Variants in CLNK observed in about 807,000 individuals in gnomAD.
The protein encoded by CLNK is cytokine-dependent hematopoietic cell linker.
Under a neutral mutation model 68.6 loss-of-function variants are expected in CLNK, and 74 were observed. That is an observed-to-expected ratio of 1.08 (90% CI 0.89 to 1.31). CLNK has a LOEUF of 1.31. Ranked by LOEUF, CLNK falls within the 50% of genes most tolerant of loss-of-function variation. The pLI is 0.00. For synonymous variants in CLNK, 198 were observed against 172.2 expected (o/e 1.15, Z -1.17); for missense variants, 553 against 515.3 (o/e 1.07, Z -0.71).
chr4:10,523,088 C>A (rs1340701875), intron 14 of CLNK, among the ~76,000 whole-genome samples: 1 of 152,082 alleles, frequency 6.6e-6, no homozygotes, highest in Non-Finnish European at 1.5e-5. Flanking sequence ...CTGGGCCATG[C>A]AAGGAGCTAG....
intron 1 of CLNK, among the ~76,000 whole-genome samples, chr4:10,682,133 A>ATGTGTG (rs67960184): frequency 0.045 from 5,842 of 128,446 alleles, 158 homozygotes; most frequent in Middle Eastern, 0.1. Context: ...GTGTGTGTGT[A>ATGTGTG]TGTGTGTGTG....
intron 2 of CLNK, among the ~76,000 whole-genome samples, chr4:10,631,789 T>C (rs1722900169): frequency 6.6e-6 from 1 of 152,268 alleles, no homozygotes; most frequent in African/African-American, 2.4e-5. Context: ...AGCAACTCTA[T>C]GACATAGAAG....
the CLNK span, among the ~76,000 whole-genome samples, chr4:10,695,898 C>T: frequency 6.6e-6 from 1 of 151,754 alleles, no homozygotes; most frequent in African/African-American, 2.4e-5. Flanking sequence ...CTCTGTTGCC[C>T]AGGCTGGAGT....
At position 10,663,727 on chromosome 4, in the gene CLNK, T is replaced by A. The variant is rs1724283470; in HGVS notation, c.11+4132A>T. 2.6e-5 allele frequency among the ~76,000 whole-genome samples: 4 copies of A among 152,244 alleles called. No homozygotes were observed. In the South Asian group the frequency reaches 8.3e-4, roughly 31 times the overall value. On this transcript the variant is annotated intron_variant, in intron 2 of 18. Coordinates refer to ENST00000226951, the MANE Select transcript of CLNK (RefSeq NM_052964.4). Reference sequence around the variant, plus strand: ...AAAAGTGCTTAGTGAGAGATAGTCCTATGATTTAAATGTTTGTGAACCCCT... The same window carrying A: ...AAAAGTGCTTAGTGAGAGATAGTCCAATGATTTAAATGTTTGTGAACCCCT...
intron 5 of CLNK, among the ~76,000 whole-genome samples, chr4:10,566,454 G>A (rs1461839921): frequency 6.6e-6 from 1 of 152,156 alleles, no homozygotes. Flanking sequence ...GATTGTCCTG[G>A]ATTACCTGGG....
At chr4:10,666,854 C>G (rs1051063012) in intron 2 of CLNK, among the ~76,000 whole-genome samples, 6 of 152,196 alleles carry the variant, frequency 3.9e-5, no homozygotes, top group African/African-American at 1.4e-4. Flanking sequence ...GGTGGCTCCA[C>G]CTGGACACCT....
the CLNK span, among the ~76,000 whole-genome samples, chr4:10,701,503 G>A: frequency 6.6e-6 from 1 of 152,182 alleles, no homozygotes; most frequent in Admixed American, 6.6e-5. Context: ...CCTTTCTCAA[G>A]GAGCCTGTTG....
upstream of CLNK, among the ~76,000 whole-genome samples, chr4:10,688,634 AGAGGTATACTACT>A (rs1311055932): frequency 1.3e-5 from 2 of 152,174 alleles, no homozygotes; most frequent in Admixed American, 1.3e-4. Context: ...CCCTTTAAAA[AGAGGTATACTACT>A]ACTAACCTCT....
At chr4:10,715,249 GAGTCA>G in the CLNK span, among the ~76,000 whole-genome samples, 1 of 152,122 alleles carries the variant, frequency 6.6e-6, no homozygotes, top group African/African-American at 2.4e-5. Flanking sequence ...ACTGACTTGG[GAGTCA>G]ACTGCCCAAC....
intron 2 of CLNK, among the ~76,000 whole-genome samples, chr4:10,632,889 T>G (rs973277436): frequency 6.6e-6 from 1 of 152,258 alleles, no homozygotes; most frequent in African/African-American, 2.4e-5. Flanking sequence ...CAGATGAGGC[T>G]GCTAGCTAAC....
chr4:10,537,684 TTC>T (rs1560206913), intron 11 of CLNK, among the ~76,000 whole-genome samples: 13 of 59,004 alleles, frequency 2.2e-4, no homozygotes, highest in Admixed American at 3.7e-4. Context: ...TCTTTCTTCC[TTC>T]CTTCCTTCCT....
rs147325980 is a variant in CLNK, at chr4:10,616,784, GTGTGTGTATATATA to G, written c.12-18749_12-18736del. On this transcript the variant is annotated intron_variant, in intron 2 of 18. Coordinates refer to ENST00000226951, the MANE Select transcript of CLNK (RefSeq NM_052964.4). Reference sequence around the variant, plus strand: ...TAAAGTTGTGTGTGTATATATGTGTGTGTGTGTATATATATATATATATATATATATATATATAT... The same window carrying G: ...TAAAGTTGTGTGTGTATATATGTGTGTATATATATATATATATATATATAT... Among the ~76,000 whole-genome samples, 90 of 11,204 alleles carry G rather than the reference GTGTGTGTATATATA, an allele frequency of 8.0e-3. 1 individual carries two copies. The highest frequency in any genetic ancestry group is 0.026 in the East Asian group (7 of 270). The allele number at this position is 11,204 out of a possible 152,430, so 7.4% of individuals were successfully genotyped here.
rs1031323653 is a variant in CLNK, at chr4:10,566,247, A to T, written c.151-97T>A. ...CTAGAGAAATGGGGTAGACCTTCTTAGCTGCAAGTTAAATATTTAAGAATC... is the reference window on the plus strand; with the variant it reads ...CTAGAGAAATGGGGTAGACCTTCTTTGCTGCAAGTTAAATATTTAAGAATC... On this transcript the variant is annotated intron_variant, in intron 5 of 18. Transcript: ENST00000226951. 3 of 1,149,404 alleles carry T rather than the reference A, an allele frequency of 2.6e-6. No homozygotes were observed. In the East Asian group the frequency reaches 7.1e-5, roughly 27 times the overall value. The allele number at this position is 1,149,404 out of a possible 1,614,324, so 71.2% of individuals were successfully genotyped here. A position where few individuals can be genotyped will look rare whatever the true frequency, so the allele number is the denominator to read the frequency against.
At chr4:10,687,257 T>C (rs892744589), upstream of CLNK, among the ~76,000 whole-genome samples, 1 of 148,268 alleles carries the variant, frequency 6.7e-6, no homozygotes, top group African/African-American at 2.5e-5. Flanking sequence ...TCTAATATAA[T>C]AGAGAGGTAT....
chr4:10,708,644 T>C, the CLNK span, among the ~76,000 whole-genome samples: 69 of 152,320 alleles, frequency 4.5e-4, no homozygotes, highest in African/African-American at 1.6e-3. Flanking sequence ...TTTTATCCTA[T>C]AGACCATTGA....
intron 2 of CLNK, among the ~76,000 whole-genome samples, chr4:10,629,677 T>C (rs1225173433): frequency 1.3e-5 from 2 of 151,994 alleles, no homozygotes; most frequent in African/African-American, 2.4e-5. Flanking sequence ...ACCAGGCCAA[T>C]GTCTCTCAAG....
intron 12 of CLNK, among the ~76,000 whole-genome samples, 193 bp downstream of exon 12, chr4:10,532,063 G>T (rs1188974381): frequency 6.6e-6 from 1 of 152,160 alleles, no homozygotes; most frequent in Non-Finnish European, 1.5e-5. Context: ...ACAGGATCTT[G>T]GTTTAAAATC....
intron 2 of CLNK, among the ~76,000 whole-genome samples, chr4:10,622,120 A>G (rs560510850): frequency 6.0e-4 from 91 of 152,218 alleles, no homozygotes; most frequent in Non-Finnish European, 1.0e-3. Context: ...GGCATCAAAG[A>G]TTTCAAGGAG....
intron 16 of CLNK, among the ~76,000 whole-genome samples, chr4:10,511,683 C>A (rs188516752): frequency 1.3e-5 from 2 of 152,138 alleles, no homozygotes; most frequent in South Asian, 4.1e-4. Context: ...TATTGTATCA[C>A]GTTAGAATTT....
Sources: gnomAD v4.1 joint callset for allele counts (sites outside exome capture counted in the v4.1 genomes callset) on GRCh38, gnomAD v4.1.1 for gene constraint, MANE v1.5 for transcripts, NCBI Gene and HGNC (gene_info 2026-07-23, HGNC 2026-07-21) for gene names.